Variants in AGBL4 observed in about 807,000 individuals in gnomAD.
AGBL4 encodes AGBL carboxypeptidase 4.
AGBL4 carries 58 observed loss-of-function variants against 66.4 expected under a neutral mutation model. The observed-to-expected ratio is 0.87, with a 90% CI of 0.71 to 1.09. AGBL4 has a LOEUF of 1.09. Ranked by LOEUF, AGBL4 falls within the 50% of genes least tolerant of loss-of-function variation. The probability of loss-of-function intolerance (pLI) is 0.00; values close to 1 mark genes in which losing one functional copy is unlikely to be tolerated. For missense variants in AGBL4, 579 were observed against 631.0 expected (o/e 0.92, Z 0.88); for synonymous variants, 234 against 222.9 (o/e 1.05, Z -0.44).
intron 2 of AGBL4, among the ~76,000 whole-genome samples, chr1:49,708,366 C>T (rs1317138877): frequency 6.6e-6 from 1 of 151,962 alleles, no homozygotes; most frequent in Non-Finnish European, 1.5e-5. Flanking sequence ...TTTGTATAAG[C>T]TTCACACAGT....
At chr1:48,829,325 A>T (rs1389367955) in intron 6 of AGBL4, among the ~76,000 whole-genome samples, 3 of 152,254 alleles carry the variant, frequency 2.0e-5, no homozygotes, top group African/African-American at 7.2e-5. Flanking sequence ...CTCCAGAGTT[A>T]CAGCCTATGC....
At chr1:49,246,536 G>C (rs1275780545) in intron 3 of AGBL4, among the ~76,000 whole-genome samples, 1 of 151,818 alleles carries the variant, frequency 6.6e-6, no homozygotes, top group Admixed American at 6.6e-5. Flanking sequence ...TACGTTTATA[G>C]CGCCATAAGT....
intron 1 of AGBL4, among the ~76,000 whole-genome samples, chr1:49,993,264 C>T (rs1379838848): frequency 6.6e-6 from 1 of 152,194 alleles, no homozygotes; most frequent in East Asian, 1.9e-4. Flanking sequence ...AGGTAGATTA[C>T]ATTTAAGGTT....
intron 1 of AGBL4, among the ~76,000 whole-genome samples, chr1:49,972,887 C>A (rs1222730943): frequency 3.3e-5 from 5 of 152,136 alleles, no homozygotes; most frequent in Non-Finnish European, 7.3e-5. Context: ...TACATATGTT[C>A]TAAATACTTC....
chr1:49,402,601 C>T (rs1401931330), intron 3 of AGBL4, among the ~76,000 whole-genome samples: 7 of 132,052 alleles, frequency 5.3e-5, no homozygotes, highest in African/African-American at 5.5e-5. Context: ...GAGTTTTGCT[C>T]TTGTTGCCCA....
intron 3 of AGBL4, among the ~76,000 whole-genome samples, chr1:49,617,014 TGTAAA>T (rs1469083695): frequency 6.6e-6 from 1 of 152,198 alleles, no homozygotes; most frequent in Non-Finnish European, 1.5e-5. Flanking sequence ...GGGCAATTCA[TGTAAA>T]TCAGATGGTG....
intron 6 of AGBL4, chr1:48,759,057 C>G: frequency 1.2e-6 from 2 of 1,613,756 alleles, no homozygotes; most frequent in Non-Finnish European, 1.7e-6. Context: ...GGTGGCGCAT[C>G]TCTTCCTGTT....
chr1:48,790,944 C>T (rs1005173928), intron 6 of AGBL4, among the ~76,000 whole-genome samples: 1 of 152,180 alleles, frequency 6.6e-6, no homozygotes, highest in Non-Finnish European at 1.5e-5. Flanking sequence ...TTTTGTCTCT[C>T]TCTCTCATCT....
intron 3 of AGBL4, among the ~76,000 whole-genome samples, chr1:49,672,124 T>C (rs745941911): frequency 1.2e-4 from 19 of 152,148 alleles, no homozygotes; most frequent in Non-Finnish European, 2.1e-4. Context: ...TAAAATGTGG[T>C]ACATATATAC....
intron 3 of AGBL4, among the ~76,000 whole-genome samples, chr1:49,541,172 G>A (rs527957996): frequency 6.6e-5 from 10 of 152,294 alleles, no homozygotes; most frequent in East Asian, 1.9e-4. Flanking sequence ...AGAAAAGACC[G>A]CGTGCTGGCA....
At chr1:49,468,324 G>A (rs1646670800) in intron 3 of AGBL4, among the ~76,000 whole-genome samples, 1 of 151,838 alleles carries the variant, frequency 6.6e-6, no homozygotes, top group African/African-American at 2.4e-5. Flanking sequence ...TTAACTGCTA[G>A]TCACTTGAGA....
intron 3 of AGBL4, among the ~76,000 whole-genome samples, chr1:49,562,206 T>C (rs1644067174): frequency 6.6e-6 from 1 of 152,162 alleles, no homozygotes; most frequent in Non-Finnish European, 1.5e-5. Flanking sequence ...TTCTGGATAT[T>C]AGCCCTCTGT....
chr1:48,618,502 T>C (rs1282955486), intron 9 of AGBL4, among the ~76,000 whole-genome samples: 1 of 152,128 alleles, frequency 6.6e-6, no homozygotes, highest in Non-Finnish European at 1.5e-5. Context: ...GTTCTCTCTA[T>C]ATGAAGGGTT....
At chr1:49,609,630 A>G (rs745462885) in intron 3 of AGBL4, among the ~76,000 whole-genome samples, 2 of 152,126 alleles carry the variant, frequency 1.3e-5, no homozygotes, top group Admixed American at 6.5e-5. Flanking sequence ...TTTCAGGGGT[A>G]CATGTACAGG....
chr1:49,932,489 A>C (rs1308817785), intron 1 of AGBL4, among the ~76,000 whole-genome samples: 2 of 152,150 alleles, frequency 1.3e-5, no homozygotes, highest in Non-Finnish European at 2.9e-5. Flanking sequence ...AAGATCAATA[A>C]AAGAAATTGA....
intron 6 of AGBL4, among the ~76,000 whole-genome samples, chr1:48,714,116 C>G (rs1647009892): frequency 6.6e-6 from 1 of 152,168 alleles, no homozygotes; most frequent in Admixed American, 6.5e-5. Context: ...TGGAGATGGA[C>G]AGACCCTGAG....
chr1:49,508,838 G>A (rs547763804), intron 3 of AGBL4, among the ~76,000 whole-genome samples: 1 of 151,852 alleles, frequency 6.6e-6, no homozygotes, highest in South Asian at 2.1e-4. Flanking sequence ...CTGACTGTGG[G>A]GATTATAGCA....
chr1:49,031,614 C>CA (rs766550106), intron 5 of AGBL4, among the ~76,000 whole-genome samples: 63 of 151,794 alleles, frequency 4.2e-4, no homozygotes, highest in Non-Finnish European at 7.8e-4. Flanking sequence ...AGCCTTTCTT[C>CA]AAAAAAAGAT....
In AGBL4 at chr1:49,044,506, AG is replaced by A. The variant is rs925128783; in HGVS notation, c.594+1077del. Among the ~76,000 whole-genome samples, 4 of 152,030 alleles carry A rather than the reference AG, an allele frequency of 2.6e-5. No homozygotes were observed. In the East Asian group the frequency reaches 7.8e-4, roughly 29 times the overall value. On this transcript the variant is annotated intron_variant, in intron 5 of 13. Coordinates refer to ENST00000371839, the MANE Select transcript of AGBL4 (RefSeq NM_032785.4). ...GCAAGACTCCATCTCAAAAAAAAAAAGGAAGTAGGAAGATGTGGTAGGCAAA... is the reference window on the plus strand; with the variant it reads ...GCAAGACTCCATCTCAAAAAAAAAAAGAAGTAGGAAGATGTGGTAGGCAAA...
Sources: allele counts gnomAD v4.1 joint callset (sites outside exome capture counted in the v4.1 genomes callset), GRCh38; gene constraint gnomAD v4.1.1; transcripts MANE v1.5; gene names NCBI Gene and HGNC (gene_info 2026-07-23, HGNC 2026-07-21).